The following CDH2 variants were observed in gnomAD, a reference collection of about 807,000 sequenced individuals.
The protein encoded by CDH2 is cadherin 2, also known as cadherin-2.
Under a neutral mutation model 92.0 loss-of-function variants are expected in CDH2, and 17 were observed. That is an observed-to-expected ratio of 0.18 (90% CI 0.13 to 0.28). CDH2 has a LOEUF of 0.28. Ranked by LOEUF, CDH2 falls within the 10% of genes least tolerant of loss-of-function variation. CDH2 has a pLI of 1.00. For missense variants in CDH2, 862 were observed against 1,133.1 expected, an observed-to-expected ratio of 0.76 and a Z score of 3.44; for synonymous variants, 419 against 415.9, an observed-to-expected ratio of 1.01 and a Z score of -0.09.
intron 6 of CDH2, among the ~76,000 whole-genome samples, chr18:27,933,636 A>G (rs1598973330): frequency 6.6e-6 from 1 of 152,210 alleles, no homozygotes; most frequent in Non-Finnish European, 1.5e-5. Context: ...CTTGAGGCCC[A>G]ACATTGTGGC....
rs958284565 is a variant in CDH2, at chr18:28,010,265, C to G, written c.547-393G>C. 1.1e-4 allele frequency among the ~76,000 whole-genome samples: 16 copies of G among 152,226 alleles called. No homozygotes were observed. The East Asian group carries it at 2.5e-3, about 24-fold the overall frequency. ...ATTTACCTTTTTGCATCAGTAACAA[C>G]AAGAATTAATTGTCTATCCATAGTG... On this transcript the variant is annotated intron_variant, in intron 4 of 15. Coordinates refer to ENST00000269141, the MANE Select transcript of CDH2 (RefSeq NM_001792.5).
At position 28,130,776 on chromosome 18, in the gene CDH2, G is replaced by A. The variant is rs551515301; in HGVS notation, c.172+16897C>T. On this transcript the variant is annotated intron_variant, in intron 2 of 15. Coordinates refer to ENST00000269141, the MANE Select transcript of CDH2 (RefSeq NM_001792.5). ...AATGCTGCCAAGACTTTCTGAAGTG[G>A]AATTAGACTGTCAGAGCAATAACCC... Among the ~76,000 whole-genome samples the A allele has an allele frequency of 2.6e-4, 40 of 152,296 alleles. No homozygotes were observed. The South Asian group carries it at 5.0e-3, about 19-fold the overall frequency.
At chr18:27,934,651 G>C (rs1397785541) in intron 6 of CDH2, among the ~76,000 whole-genome samples, 2 of 152,076 alleles carry the variant, frequency 1.3e-5, no homozygotes, top group Non-Finnish European at 2.9e-5. Flanking sequence ...CAATGAAATA[G>C]TCACACAGCT....
intron 1 of CDH2, among the ~76,000 whole-genome samples, chr18:28,170,141 T>C (rs1456820994): frequency 1.3e-5 from 2 of 152,234 alleles, no homozygotes; most frequent in Non-Finnish European, 2.9e-5. Context: ...CAATCTTCCT[T>C]TGGATCTACT....
intron 1 of CDH2, among the ~76,000 whole-genome samples, chr18:28,151,517 A>T (rs1266427367): frequency 6.6e-6 from 1 of 152,226 alleles, no homozygotes; most frequent in Non-Finnish European, 1.5e-5. Context: ...AACACATGAA[A>T]AAGAGGTATC....
At chr18:28,048,406 G>A (rs1315557787) in intron 2 of CDH2, among the ~76,000 whole-genome samples, 1 of 152,126 alleles carries the variant, frequency 6.6e-6, no homozygotes, top group Non-Finnish European at 1.5e-5. Context: ...TATAGGCAGA[G>A]ATCTTACTAT....
chr18:28,134,135 C>CAA (rs34083301), intron 2 of CDH2, among the ~76,000 whole-genome samples: 21 of 91,552 alleles, frequency 2.3e-4, no homozygotes, highest in African/African-American at 2.6e-4. Flanking sequence ...ACTAAATTTA[C>CAA]AAAAAAAAAA....
chr18:28,086,432 T>C (rs1486263014), intron 2 of CDH2, among the ~76,000 whole-genome samples: 13 of 152,068 alleles, frequency 8.5e-5, no homozygotes, highest in Non-Finnish European at 1.8e-4. Flanking sequence ...AAAAGGTCCA[T>C]TTATTTATCA....
At chr18:27,987,786 A>T (rs1022869448) in intron 11 of CDH2, among the ~76,000 whole-genome samples, 1 of 152,196 alleles carries the variant, frequency 6.6e-6, no homozygotes, top group Non-Finnish European at 1.5e-5. Context: ...TAACAAAAAA[A>T]GGAAACAGAT....
At chr18:28,000,598 G>C (rs1284282353) in intron 7 of CDH2, among the ~76,000 whole-genome samples, 1 of 152,050 alleles carries the variant, frequency 6.6e-6, no homozygotes, top group Non-Finnish European at 1.5e-5. Context: ...GCACAAAAAG[G>C]GCAGAAAATG....
chr18:28,089,965 T>G (rs2015006105), intron 2 of CDH2, among the ~76,000 whole-genome samples: 1 of 152,190 alleles, frequency 6.6e-6, no homozygotes, highest in Non-Finnish European at 1.5e-5. Flanking sequence ...ATAAACTGTT[T>G]TATTACATCC....
At chr18:28,033,615 T>TCCC (rs1008346000) in intron 2 of CDH2, among the ~76,000 whole-genome samples, 5 of 152,102 alleles carry the variant, frequency 3.3e-5, no homozygotes, top group Non-Finnish European at 5.9e-5. Context: ...TCCCATTGGT[T>TCCC]TGACATATTA....
intron 2 of CDH2, among the ~76,000 whole-genome samples, chr18:28,068,224 C>G (rs777905655): frequency 1.3e-5 from 2 of 152,140 alleles, no homozygotes; most frequent in African/African-American, 2.4e-5. Context: ...CCCCGATCCC[C>G]AAACCATTTC....
intron 5 of CDH2, among the ~76,000 whole-genome samples, chr18:28,006,885 T>C (rs1201875564): frequency 6.6e-6 from 1 of 151,718 alleles, no homozygotes; most frequent in Non-Finnish European, 1.5e-5. Context: ...TACTAGTATA[T>C]GGCTGGGCAC....
intron 2 of CDH2, among the ~76,000 whole-genome samples, chr18:28,137,871 C>G (rs2015890381): frequency 6.6e-6 from 1 of 152,076 alleles, no homozygotes; most frequent in African/African-American, 2.4e-5. Context: ...TTTCATATAT[C>G]TGCAGTAGGC....
intron 6 of CDH2, among the ~76,000 whole-genome samples, chr18:28,004,009 T>C (rs564515778): frequency 7.2e-5 from 11 of 152,328 alleles, no homozygotes; most frequent in African/African-American, 2.4e-4. Context: ...CCTGTTTACA[T>C]TGGGTATTCT....
intron 2 of CDH2, among the ~76,000 whole-genome samples, chr18:28,076,113 C>T (rs1274380891): frequency 1.3e-5 from 2 of 152,122 alleles, no homozygotes; most frequent in African/African-American, 4.8e-5. Context: ...CACAAAAATC[C>T]AGCCTTCTTT....
intron 15 of CDH2, among the ~76,000 whole-genome samples, chr18:27,960,955 C>T (rs544061833): frequency 4.0e-5 from 6 of 151,118 alleles, no homozygotes; most frequent in African/African-American, 1.5e-4. Context: ...CTACTGTGGC[C>T]GAGAAGGGTT....
At chr18:28,130,542 A>C (rs2015750012) in intron 2 of CDH2, among the ~76,000 whole-genome samples, 1 of 152,222 alleles carries the variant, frequency 6.6e-6, no homozygotes, top group African/African-American at 2.4e-5. Flanking sequence ...CAAATCAGAG[A>C]CACCTGTGAA....
Sources: gnomAD v4.1 joint callset for allele counts (sites outside exome capture counted in the v4.1 genomes callset) on GRCh38, gnomAD v4.1.1 for gene constraint, MANE v1.5 for transcripts, NCBI Gene and HGNC (gene_info 2026-07-23, HGNC 2026-07-21) for gene names.